ABCB1: variants seen among roughly 807,000 people sequenced by gnomAD.
The protein encoded by ABCB1 is ATP-dependent translocase ABCB1.
Under a neutral mutation model 142.0 loss-of-function variants are expected in ABCB1, and 69 were observed. That is an observed-to-expected ratio of 0.49 (90% CI 0.40 to 0.59). The LOEUF is 0.59. ABCB1 is among the 20% of genes least tolerant of loss of function. The pLI is 0.00. For synonymous variants in ABCB1, 532 were observed against 539.2 expected (o/e 0.99, Z 0.18); for missense variants, 1,326 against 1,554.7 (o/e 0.85, Z 2.47).
At chr7:87,547,147 A>G (rs10808072) in intron 14 of ABCB1, among the ~76,000 whole-genome samples, 72,620 of 151,996 alleles carry the variant, frequency 0.48, 17,430 homozygotes, top group Admixed American at 0.51. Flanking sequence ...TGTCTCTCTA[A>G]TAACTAGCAA....
chr7:87,506,203 C>T (rs1421015211), intron 26 of ABCB1, 160 bp from the exon 27 acceptor site: 3 of 694,022 alleles, frequency 4.3e-6, no homozygotes, highest in Non-Finnish European at 7.2e-6. Context: ...GTAAAAAAGC[C>T]CAAAATGGCA....
intron 21 of ABCB1, among the ~76,000 whole-genome samples, chr7:87,523,594 C>G (rs112216837): frequency 4.9e-4 from 74 of 152,272 alleles, no homozygotes; most frequent in African/African-American, 1.6e-3. Flanking sequence ...TGCACTCTAG[C>G]CTGGGCAACA....
In ABCB1 at chr7:87,536,442, GA is replaced by G; in HGVS notation, c.2481+15del. 6.2e-7 allele frequency: 1 copy of G among 1,613,204 alleles called. No homozygotes were observed. Among genetic ancestry groups the G allele is most frequent in the Non-Finnish European group, 8.5e-7 (1 of 1,179,168 alleles). ...TGGCCAATTAAGACAAACACCAGTA[GA>G]AAGGAGGCACGTACCCCTTTAACTT... On this transcript the variant is annotated intron_variant, in intron 20 of 27. Transcript: ENST00000622132.
chr7:87,665,999 C>T (rs1825196693), intron 1 of ABCB1, among the ~76,000 whole-genome samples: 1 of 151,890 alleles, frequency 6.6e-6, no homozygotes, highest in Non-Finnish European at 1.5e-5. Context: ...GGGTATATAC[C>T]CGGTAATGGG....
intron 1 of ABCB1, among the ~76,000 whole-genome samples, chr7:87,616,168 T>C (rs1481317560): frequency 6.6e-6 from 1 of 152,200 alleles, no homozygotes; most frequent in African/African-American, 2.4e-5. Context: ...CAAAATGGTA[T>C]TGTCTATTAC....
At chr7:87,659,319 G>T in intron 1 of ABCB1, 1 of 306,224 alleles carries the variant, frequency 3.3e-6, no homozygotes, top group Non-Finnish European at 6.4e-6. Context: ...GTCTTCTAGG[G>T]GGCTGTTTGA....
chr7:87,642,608 T>C (rs562710927), intron 1 of ABCB1, among the ~76,000 whole-genome samples: 1 of 152,090 alleles, frequency 6.6e-6, no homozygotes, highest in East Asian at 1.9e-4. Flanking sequence ...TGGAAAGTTT[T>C]GCCTTATTTA....
chr7:87,543,076 T>A (rs1463959106), intron 17 of ABCB1, among the ~76,000 whole-genome samples: 1 of 152,112 alleles, frequency 6.6e-6, no homozygotes, highest in African/African-American at 2.4e-5. Flanking sequence ...GGTGGATTAC[T>A]TGAGGTTAGG....
At chr7:87,597,208 A>G (rs1051583330) in intron 2 of ABCB1, among the ~76,000 whole-genome samples, 8 of 152,082 alleles carry the variant, frequency 5.3e-5, no homozygotes, top group African/African-American at 1.9e-4. Context: ...GCATCACATT[A>G]AAATGCACTT....
chr7:87,521,401 C>T (rs78762243), intron 21 of ABCB1: 11,672 of 638,736 alleles, frequency 0.018, 167 homozygotes, highest in South Asian at 0.036. Flanking sequence ...ACGCTTACCC[C>T]TTTCTGCCCG....
chr7:87,578,685 CTACT>C (rs1818374539), intron 4 of ABCB1, among the ~76,000 whole-genome samples: 1 of 142,980 alleles, frequency 7.0e-6, no homozygotes, highest in Non-Finnish European at 1.5e-5. Context: ...GTAAATGAGA[CTACT>C]TTCTTTTTTT....
At position 87,623,198 on chromosome 7, in the gene ABCB1, C is replaced by T. The variant is rs557896023; in HGVS notation, c.-330-22120G>A. ...AAATGGGAGAATATAATAATACTTA[C>T]TTTAGAGAACGGTTCTGATGATTAA... is the stretch of plus-strand genomic sequence containing the variant. On this transcript the variant is annotated intron_variant, in intron 1 of 28. Coordinates refer to the ABCB1 transcript ENST00000265724. Among the ~76,000 whole-genome samples, 5 of 152,256 alleles carry T rather than the reference C, an allele frequency of 3.3e-5. No individual in the cohort carries two copies. The South Asian group carries it at 1.0e-3, about 32-fold the overall frequency.
chr7:87,564,117 A>G (rs1372945926), intron 7 of ABCB1: 1 of 451,588 alleles, frequency 2.2e-6, no homozygotes, highest in Non-Finnish European at 4.4e-6. Flanking sequence ...TGCCCATGAC[A>G]CAAGTTTCCT....
At chr7:87,674,748 C>T (rs957298623) in intron 1 of ABCB1, among the ~76,000 whole-genome samples, 3 of 152,062 alleles carry the variant, frequency 2.0e-5, no homozygotes, top group African/African-American at 4.8e-5. Context: ...CATCTGAGGC[C>T]GCATTGCAAG....
intron 15 of ABCB1, 120 bp downstream of exon 15, chr7:87,545,743 C>G (rs535886689): frequency 5.6e-6 from 6 of 1,069,088 alleles, no homozygotes; most frequent in Non-Finnish European, 8.0e-6. Flanking sequence ...TCCTGAATCC[C>G]CCAGGTGTTG....
intron 1 of ABCB1, among the ~76,000 whole-genome samples, chr7:87,685,999 C>T (rs1181094166): frequency 6.6e-6 from 1 of 152,154 alleles, no homozygotes; most frequent in African/African-American, 2.4e-5. Context: ...ACCATCACCC[C>T]TCCATATTTT....
chr7:87,698,173 C>A (rs997429280), intron 1 of ABCB1, among the ~76,000 whole-genome samples: 1 of 152,204 alleles, frequency 6.6e-6, no homozygotes, highest in South Asian at 2.1e-4. Flanking sequence ...GATCTCGGCT[C>A]ACTGCAAGCT....
chr7:87,512,800 A>C (rs1010890367), intron 25 of ABCB1, among the ~76,000 whole-genome samples: 10 of 152,346 alleles, frequency 6.6e-5, no homozygotes, highest in Admixed American at 5.9e-4. Context: ...GTGCAAATGC[A>C]CAGGAGAAGA....
chr7:87,536,651 G>A lies in ABCB1; in HGVS notation c.2398-110C>T, dbSNP rs1816308552. 3 of 859,246 alleles carry A rather than the reference G, an allele frequency of 3.5e-6. No individual in the cohort carries two copies. The South Asian group carries it at 4.2e-5, about 12-fold the overall frequency. The allele number at this position is 859,246 out of a possible 1,614,324, so 53.2% of individuals were successfully genotyped here. On this transcript the variant is annotated intron_variant, in intron 19 of 27. Transcript: ENST00000622132. ...TTTATACTTATACCCCCTGCATTTA[G>A]TACTCAGGATGTGACATTCAATACA...
Sources: allele counts gnomAD v4.1 joint callset (sites outside exome capture counted in the v4.1 genomes callset), GRCh38; gene constraint gnomAD v4.1.1; transcripts MANE v1.5; gene names NCBI Gene and HGNC (gene_info 2026-07-23, HGNC 2026-07-21).